Variants in COL4A4 observed in about 807,000 individuals in gnomAD.
The protein encoded by COL4A4 is collagen alpha-4(IV) chain.
A neutral mutation model predicts 192.9 loss-of-function variants in COL4A4; 105 were observed. That is an observed-to-expected ratio of 0.54 (90% CI 0.46 to 0.64). The LOEUF is 0.64. COL4A4 is among the 30% of genes least tolerant of loss of function. The probability of loss-of-function intolerance (pLI) is 0.00; values close to 1 mark genes in which losing one functional copy is unlikely to be tolerated. For missense variants in COL4A4, 1,967 were observed against 2,169.3 expected, an observed-to-expected ratio of 0.91 and a Z score of 1.85; for synonymous variants, 762 against 769.9, an observed-to-expected ratio of 0.99 and a Z score of 0.17.
intron 12 of COL4A4, among the ~76,000 whole-genome samples, chr2:227,108,208 G>C (rs915179918): frequency 1.3e-5 from 2 of 152,084 alleles, no homozygotes; most frequent in South Asian, 4.1e-4. Context: ...CTTGGTTCCA[G>C]TCATTTATAT....
intron 22 of COL4A4, among the ~76,000 whole-genome samples, chr2:227,084,400 C>T (rs907711783): frequency 1.3e-5 from 2 of 152,154 alleles, no homozygotes; most frequent in African/African-American, 4.8e-5. Context: ...TCCCAGGAGT[C>T]TGAGCAGTGT....
At chr2:226,989,236 A>C in the COL4A4 span, among the ~76,000 whole-genome samples, 1 of 152,236 alleles carries the variant, frequency 6.6e-6, no homozygotes, top group African/African-American at 2.4e-5. Flanking sequence ...GATAGAAACC[A>C]CTTATAACAA....
At chr2:227,000,133 T>C (rs141166169), downstream of COL4A4, among the ~76,000 whole-genome samples, 254 of 152,328 alleles carry the variant, frequency 1.7e-3, no homozygotes, top group African/African-American at 6.0e-3. Flanking sequence ...TAGCAGATAA[T>C]TATTAATGGA....
At chr2:227,127,754 A>G (rs1484663604) in intron 4 of COL4A4, among the ~76,000 whole-genome samples, 4 of 152,222 alleles carry the variant, frequency 2.6e-5, no homozygotes, top group African/African-American at 9.7e-5. Context: ...GAGAAACACT[A>G]CAAATAAACA....
At chr2:227,146,836 C>T (rs1001927257) in intron 2 of COL4A4, among the ~76,000 whole-genome samples, 7 of 152,122 alleles carry the variant, frequency 4.6e-5, no homozygotes, top group African/African-American at 7.2e-5. Flanking sequence ...GCTCCTTCTC[C>T]GACTGCTCTC....
At chr2:226,987,426 T>C in the COL4A4 span, among the ~76,000 whole-genome samples, 1 of 152,212 alleles carries the variant, frequency 6.6e-6, no homozygotes. Flanking sequence ...GCATGGCTGC[T>C]TCTGTGCCCA....
intron 37 of COL4A4, among the ~76,000 whole-genome samples, chr2:227,041,822 A>G (rs1253577452): frequency 7.5e-5 from 3 of 39,826 alleles, no homozygotes; most frequent in Non-Finnish European, 4.4e-5. Context: ...GAAAGAAAGA[A>G]AGAAAGAAAG....
intron 37 of COL4A4, among the ~76,000 whole-genome samples, chr2:227,041,848 G>GAGAGAGAGAGAGAGAGAGAAAGAA (rs1971305412): frequency 5.2e-5 from 2 of 38,690 alleles, no homozygotes; most frequent in Admixed American, 2.9e-4. Context: ...AAGAAAGAAA[G>GAGAGAGAGAGAGAGAGAGAAAGAA]AGAAAGAAAG....
chr2:227,065,015 G>A lies in COL4A4; in HGVS notation c.1988-2417C>T, dbSNP rs530803745. 9.3e-4 allele frequency among the ~76,000 whole-genome samples: 141 copies of A among 152,334 alleles called. 1 individual carries two copies. The highest frequency in any genetic ancestry group is 3.3e-3 in the African/African-American group (136 of 41,584). ...TAGGGAGTGCCAGACAGTGGGTGCA[G>A]GTCAGTGGGTGCGCGCACCGTGCAC... On this transcript the variant is annotated intron_variant, in intron 25 of 47. Transcript: ENST00000396625.
chr2:227,030,737 A>G (rs1968109700), intron 40 of COL4A4, 139 bp from the exon 41 acceptor site: 3 of 631,764 alleles, frequency 4.7e-6, no homozygotes, highest in Admixed American at 3.3e-5. Flanking sequence ...AAGAAAGTCA[A>G]TGATAACAGA....
intron 4 of COL4A4, among the ~76,000 whole-genome samples, chr2:227,126,026 G>C (rs566250568): frequency 6.6e-6 from 1 of 152,152 alleles, no homozygotes; most frequent in African/African-American, 2.4e-5. Flanking sequence ...CATATCCCTG[G>C]CTCCCGTTCT....
intron 37 of COL4A4, among the ~76,000 whole-genome samples, chr2:227,036,829 A>G (rs1367894710): frequency 1.3e-5 from 2 of 152,184 alleles, no homozygotes; most frequent in Non-Finnish European, 2.9e-5. Context: ...GAATATTTCC[A>G]TGATGTTCAT....
chr2:227,041,838 A>AAGAAAG (rs1553633223), intron 37 of COL4A4, among the ~76,000 whole-genome samples: 15 of 41,618 alleles, frequency 3.6e-4, no homozygotes, highest in African/African-American at 1.6e-3. Flanking sequence ...GAAAGAAAGA[A>AAGAAAG]AGAAAGAAAG....
At position 227,044,692 on chromosome 2, in the gene COL4A4, T is replaced by C. The variant is rs12618754; in HGVS notation, c.3290-1508A>G. Among the ~76,000 whole-genome samples, 18 of 152,264 alleles carry C rather than the reference T, an allele frequency of 1.2e-4. No individual in the cohort carries two copies. The East Asian group carries it at 3.5e-3, about 29-fold the overall frequency. ...AACTTCTGAGTTAATTTGCACTATATTTTCTCTCTGAATAGAGTGCAGAGT... is the reference window on the plus strand; with the variant it reads ...AACTTCTGAGTTAATTTGCACTATACTTTCTCTCTGAATAGAGTGCAGAGT... On this transcript the variant is annotated intron_variant, in intron 35 of 47. Transcript: ENST00000396625.
chr2:227,092,074 A>G (rs2059971728), intron 20 of COL4A4, among the ~76,000 whole-genome samples: 2 of 152,168 alleles, frequency 1.3e-5, no homozygotes, highest in South Asian at 4.1e-4. Flanking sequence ...AACAAAAAAA[A>G]AGAGCTCCTA....
chr2:227,092,937 T>C (rs1164491810), intron 20 of COL4A4, among the ~76,000 whole-genome samples: 1 of 152,190 alleles, frequency 6.6e-6, no homozygotes, highest in East Asian at 1.9e-4. Context: ...TGAATGTCAG[T>C]ATAGAGGCAA....
chr2:227,083,488 C>T (rs2059427008), intron 22 of COL4A4, among the ~76,000 whole-genome samples: 2 of 152,104 alleles, frequency 1.3e-5, no homozygotes, highest in East Asian at 3.9e-4. Flanking sequence ...ACTTCATCCC[C>T]CAGGCTGCAG....
In COL4A4 at chr2:227,031,991, C is replaced by T. The variant is rs1384523881; in HGVS notation, c.3771G>A (p.Pro1257=). ...TGRAPKDIPD[P]GPPGDQGPPG... is the part of the protein sequence containing the mutation. ...GAGGTCCCTGATCTCCAGGTGGACC[C>T]GGGTCAGGAATGTCCTTAGGAGCTC... Residue 1257 remains proline (P), a synonymous_variant, in exon 40 of 48, where the codon CCG becomes CCA. Transcript: ENST00000396625. 14 of 1,613,838 alleles carry T rather than the reference C, an allele frequency of 8.7e-6. No homozygotes were observed. Among genetic ancestry groups the T allele is most frequent in the East Asian group, 2.2e-5 (1 of 44,884 alleles).
chr2:226,999,244 C>T (rs1288693519), downstream of COL4A4: 5 of 152,090 alleles, frequency 3.3e-5, no homozygotes, highest in East Asian at 9.6e-4. Flanking sequence ...CAGTGGCGCA[C>T]ATAAACACTA....
Sources: gnomAD v4.1 joint callset for allele counts (sites outside exome capture counted in the v4.1 genomes callset) on GRCh38, gnomAD v4.1.1 for gene constraint, MANE v1.5 for transcripts, NCBI Gene and HGNC (gene_info 2026-07-23, HGNC 2026-07-21) for gene names.